Variants in PPP2R2C observed in about 807,000 individuals in gnomAD.
PPP2R2C encodes protein phosphatase 2, regulatory subunit B, gamma.
A neutral mutation model predicts 45.3 loss-of-function variants in PPP2R2C; 10 were observed. That is an observed-to-expected ratio of 0.22 (90% CI 0.14 to 0.37). The LOEUF is 0.37. Ranked by LOEUF, PPP2R2C falls within the 10% of genes least tolerant of loss-of-function variation. The probability of loss-of-function intolerance (pLI) is 1.00; values close to 1 mark genes in which losing one functional copy is unlikely to be tolerated. For synonymous variants in PPP2R2C, 257 were observed against 245.4 expected (o/e 1.05, Z -0.44); for missense variants, 308 against 619.7 (o/e 0.50, Z 5.34).
chr4:6,445,430 T>C (rs549476589), intron 1 of PPP2R2C, among the ~76,000 whole-genome samples: 1 of 152,358 alleles, frequency 6.6e-6, no homozygotes, highest in African/African-American at 2.4e-5. Context: ...GTCAAATGGA[T>C]TTCAGGCTGT....
At chr4:6,404,460 G>A (rs1441173647) in intron 1 of PPP2R2C, among the ~76,000 whole-genome samples, 2 of 152,204 alleles carry the variant, frequency 1.3e-5, no homozygotes, top group Non-Finnish European at 2.9e-5. Flanking sequence ...ACAGCACTTT[G>A]CAGATACAAA....
intron 1 of PPP2R2C, among the ~76,000 whole-genome samples, chr4:6,397,723 G>C (rs75346839): frequency 6.6e-6 from 1 of 152,132 alleles, no homozygotes; most frequent in Non-Finnish European, 1.5e-5. Flanking sequence ...CATCCTCTCC[G>C]AACCTCAGTT....
In PPP2R2C at chr4:6,401,434, C is replaced by T. The variant is rs528325674; in HGVS notation, c.71-20340G>A. 8.5e-5 allele frequency among the ~76,000 whole-genome samples: 13 copies of T among 152,184 alleles called. No homozygotes were observed. The South Asian group carries it at 1.5e-3, about 17-fold the overall frequency. Reference sequence around the variant, plus strand: ...AATAAGTTGTTATGCACATGGGCTACGATGGCAACATCCGAGATGCTAAAG... The same window carrying T: ...AATAAGTTGTTATGCACATGGGCTATGATGGCAACATCCGAGATGCTAAAG... On this transcript the variant is annotated intron_variant, in intron 1 of 8. Coordinates refer to ENST00000382599, the MANE Select transcript of PPP2R2C (RefSeq NM_020416.4).
chr4:6,376,031 G>A (rs534345266), intron 3 of PPP2R2C, 100 bp from the exon 4 acceptor site: 24 of 970,780 alleles, frequency 2.5e-5, no homozygotes, highest in Non-Finnish European at 3.1e-5. Flanking sequence ...ACCTCCTGGG[G>A]AAGGAGGGGG....
chr4:6,519,725 T>A (rs1436463009), intron 2 of PPP2R2C, among the ~76,000 whole-genome samples: 1 of 151,670 alleles, frequency 6.6e-6, no homozygotes, highest in Non-Finnish European at 1.5e-5. Context: ...AGGGAGAGGG[T>A]GGGAGATCCT....
At chr4:6,552,998 A>G (rs1342488634) in intron 1 of PPP2R2C, among the ~76,000 whole-genome samples, 1 of 152,226 alleles carries the variant, frequency 6.6e-6, no homozygotes, top group Admixed American at 6.5e-5. Flanking sequence ...ACAGAAGAGA[A>G]GTAAACAAAG....
chr4:6,347,717 C>T, intron 6 of PPP2R2C, 129 bp downstream of exon 6: 1 of 1,235,986 alleles, frequency 8.1e-7, no homozygotes, highest in Non-Finnish European at 1.1e-6. Flanking sequence ...ATGGGCCCAC[C>T]CACCTTGGCC....
chr4:6,375,787 C>T (rs746008625), intron 4 of PPP2R2C, 32 bp downstream of exon 4: 35 of 1,501,662 alleles, frequency 2.3e-5, no homozygotes, highest in South Asian at 1.9e-4. Flanking sequence ...AATAAAGAGG[C>T]GTGTGCCTGC....
At chr4:6,531,222 C>T (rs538705236) in intron 2 of PPP2R2C, among the ~76,000 whole-genome samples, 3 of 152,294 alleles carry the variant, frequency 2.0e-5, no homozygotes, top group African/African-American at 7.2e-5. Flanking sequence ...CTCAGTCCCT[C>T]GAGGAAGCAC....
intron 6 of PPP2R2C, among the ~76,000 whole-genome samples, chr4:6,346,971 T>C (rs1198290120): frequency 6.6e-6 from 1 of 152,192 alleles, no homozygotes. Context: ...ACACCCCACC[T>C]CCTGCCTGGC....
In PPP2R2C at chr4:6,324,386, G is replaced by A. The variant is rs187500399; in HGVS notation, c.1053-793C>T. Among the ~76,000 whole-genome samples the A allele has an allele frequency of 1.4e-3, 211 of 152,116 alleles. 1 individual carries two copies. The highest frequency in any genetic ancestry group is 4.8e-3 in the African/African-American group (199 of 41,492). ...GGCAAGGTTGTAGTGAGCCAAGATC[G>A]CGCCACTGCACTCCAGCCTGGGCAA... On this transcript the variant is annotated intron_variant, in intron 8 of 8. Coordinates refer to ENST00000382599, the MANE Select transcript of PPP2R2C (RefSeq NM_020416.4). This position sits in a 1 kb window ranked among gnomAD's most constrained non-coding sequence, Gnocchi z 4.1.
In PPP2R2C at chr4:6,426,962, T is replaced by C. The variant is rs1409981035; in HGVS notation, c.70+45198A>G. ...GAACCAATTCCAAAAGCTAAGTTAA[T>C]TTTGAAAATATCTTCCATCGGCCTG... is the stretch of plus-strand genomic sequence containing the variant. On this transcript the variant is annotated intron_variant, in intron 1 of 8. Transcript: ENST00000382599. Among the ~76,000 whole-genome samples the C allele has an allele frequency of 2.6e-5, 4 of 152,250 alleles. No individual in the cohort carries two copies. The East Asian group carries it at 7.7e-4, about 29-fold the overall frequency.
chr4:6,386,655 C>T (rs1716236980), intron 1 of PPP2R2C, among the ~76,000 whole-genome samples: 1 of 152,170 alleles, frequency 6.6e-6, no homozygotes, highest in East Asian at 1.9e-4. Context: ...CGCTCTTATG[C>T]TATCATTCAC....
intron 2 of PPP2R2C, among the ~76,000 whole-genome samples, chr4:6,489,628 T>C (rs1722633509): frequency 6.6e-6 from 1 of 152,230 alleles, no homozygotes; most frequent in African/African-American, 2.4e-5. Context: ...ATTTATTTTA[T>C]TTGGTTATCT....
chr4:6,459,427 TG>T (rs1268655295), intron 1 of PPP2R2C, among the ~76,000 whole-genome samples: 1 of 152,148 alleles, frequency 6.6e-6, no homozygotes, highest in Non-Finnish European at 1.5e-5. Context: ...CTCATGATTG[TG>T]GAATGGGAGA....
At chr4:6,366,755 C>G (rs148492656) in intron 5 of PPP2R2C, among the ~76,000 whole-genome samples, 2 of 152,160 alleles carry the variant, frequency 1.3e-5, no homozygotes, top group East Asian at 1.9e-4. Context: ...CAGTGCTCCA[C>G]CCCACCCTGC....
intron 1 of PPP2R2C, among the ~76,000 whole-genome samples, chr4:6,429,080 AATGTGTAGATACATGCC>A (rs6148287): frequency 0.98 from 148,139 of 151,910 alleles, 72,319 homozygotes; most frequent in Middle Eastern, 1. Flanking sequence ...ATCCACAGAC[AATGTGTAGATACATGCC>A]ATGTGTAGAT....
chr4:6,418,578 G>A (rs1560533726), intron 1 of PPP2R2C, among the ~76,000 whole-genome samples: 2 of 152,158 alleles, frequency 1.3e-5, no homozygotes, highest in Admixed American at 6.5e-5. Flanking sequence ...AATCGCCCCT[G>A]GGCCTGGGCA....
chr4:6,503,171 G>A (rs1388343940), intron 2 of PPP2R2C, among the ~76,000 whole-genome samples: 2 of 152,082 alleles, frequency 1.3e-5, no homozygotes, highest in African/African-American at 4.8e-5. Flanking sequence ...GGGACCCCAG[G>A]TCATCCACCC....
Sources: gnomAD v4.1 joint callset for allele counts (sites outside exome capture counted in the v4.1 genomes callset) on GRCh38, gnomAD v4.1.1 for gene constraint, Gnocchi (gnomAD v3.1) non-coding constraint, MANE v1.5 for transcripts, NCBI Gene and HGNC (gene_info 2026-07-23, HGNC 2026-07-21) for gene names.